Variants in NXF1 observed in about 807,000 individuals in gnomAD.
The protein encoded by NXF1 is nuclear RNA export factor 1, also known as mRNA export factor TAP.
A neutral mutation model predicts 92.4 loss-of-function variants in NXF1; 43 were observed. The observed-to-expected ratio is 0.47, with a 90% CI of 0.36 to 0.60. The LOEUF (loss-of-function observed/expected upper bound fraction) is 0.60. Among genes scored for constraint, NXF1 ranks in the 20% least tolerant of loss-of-function variants. NXF1 has a pLI of 0.00. For missense variants in NXF1, 576 were observed against 793.0 expected, an observed-to-expected ratio of 0.73 and a Z score of 3.29; for synonymous variants, 288 against 292.2, an observed-to-expected ratio of 0.99 and a Z score of 0.15.
At chr11:62,795,836 T>G in intron 17 of NXF1, 65 bp downstream of exon 17, 1 of 1,443,776 alleles carries the variant, frequency 6.9e-7, no homozygotes, top group Non-Finnish European at 9.7e-7. Context: ...AAGCTAAGAG[T>G]GCTGAGGAAA....
chr11:62,800,386 G>A lies in NXF1; in HGVS notation c.1007C>T (p.Thr336Ile), dbSNP rs1487166802. Residue 336 changes from threonine (T) to isoleucine (I), a missense_variant, in exon 10 of 21, where the codon ACC (threonine) becomes ATC (isoleucine). By Grantham distance (89) the Thr-to-Ile change is moderately conservative. Around this residue, in one of 2 missense-constraint regions of NXF1, gnomAD observed 425 missense variants for 635.2 expected, o/e 0.67. Coordinates refer to ENST00000294172, the MANE Select transcript of NXF1 (RefSeq NM_006362.5). ...SLCDTFRDQS[T>I]YISAIRERFP... ...ACAGGCTACAACTGACCTGATGTAG[G>A]TGGACTGGTCTCGGAAGGTGTCACA... is the stretch of plus-strand genomic sequence containing the variant. 1.2e-6 allele frequency: 2 copies of A among 1,613,946 alleles called. No homozygotes were observed. Among genetic ancestry groups the A allele is most frequent in the Admixed American group, 1.7e-5 (1 of 59,986 alleles).
chr11:62,792,407 AGAC>A lies in NXF1; in HGVS notation c.*66_*68del. 2.5e-6 allele frequency: 4 copies of A among 1,593,990 alleles called. No homozygotes were observed. The highest frequency in any genetic ancestry group is 2.2e-5 in the East Asian group (1 of 44,772). On this transcript the variant is annotated 3_prime_UTR_variant, in exon 21 of 21. Coordinates refer to ENST00000294172, the MANE Select transcript of NXF1 (RefSeq NM_006362.5). ...CTCGGGCCAGACAGGAGGAGATGAC[AGAC>A]GACAACCAGACGGTAATATCCAAGG...
intron 16 of NXF1, 57 bp from the exon 17 acceptor site, chr11:62,796,000 C>G (rs2084416554): frequency 2.4e-5 from 39 of 1,610,480 alleles, no homozygotes; most frequent in Non-Finnish European, 3.3e-5. Context: ...GAGTGCCCCC[C>G]CTTGCCTATT....
intron 9 of NXF1, 33 bp from the exon 10 acceptor site, chr11:62,800,519 C>G (rs2084467611): frequency 6.5e-7 from 1 of 1,543,974 alleles, no homozygotes. Flanking sequence ...AGGGAGGAGA[C>G]CCTGGTGAAG....
intron 19 of NXF1, among the ~76,000 whole-genome samples, chr11:62,793,313 G>A (rs28400288): frequency 0.012 from 1,771 of 152,236 alleles, 33 homozygotes; most frequent in African/African-American, 0.04. Context: ...TCTTGACCTC[G>A]TGATCTGGCC....
Position 62,801,946 on chromosome 11 carries a change from C to T in NXF1, c.554G>A (p.Arg185Gln). Residue 185 changes from arginine (R) to glutamine (Q), a missense_variant, in exon 5 of 21, where the codon CGA becomes CAA. Transcript: ENST00000294172. ...VNYKILDREN[R>Q]RISIIINSSA... ...AGCCAGGCCCTTTAAACACACCCTT[C>T]GGTTCTCCCGATCCAAAATCTTATA... The T allele has an allele frequency of 1.9e-6, 3 of 1,614,128 alleles. No individual in the cohort carries two copies. The highest frequency in any genetic ancestry group is 2.5e-6 in the Non-Finnish European group (3 of 1,179,942).
Position 62,792,171 on chromosome 11 carries a change from T to A in NXF1, c.*305A>T, listed in dbSNP as rs1352606917. On this transcript the variant is annotated 3_prime_UTR_variant, in exon 21 of 21. Transcript: ENST00000294172. ...ATATTAAAAAGTGCAGAACACGAAATACAACATCACTCTTTATATTAAAAA... is the reference window on the plus strand; with the variant it reads ...ATATTAAAAAGTGCAGAACACGAAAAACAACATCACTCTTTATATTAAAAA... 1.1e-5 allele frequency: 7 copies of A among 644,772 alleles called. No homozygotes were observed. The highest frequency in any genetic ancestry group is 1.8e-5 in the African/African-American group (1 of 54,464). 39.9% of individuals were successfully genotyped at this position (644,772 alleles called of 1,614,324 possible).
chr11:62,795,407 C>T (rs1328483716), intron 17 of NXF1: 3 of 200,394 alleles, frequency 1.5e-5, no homozygotes, highest in Admixed American at 5.3e-5. Context: ...ACCCAGGAGA[C>T]GGAGGTTGCA....
At chr11:62,798,766 T>C in intron 10 of NXF1, 191 bp from the exon 11 acceptor site, 1 of 1,403,276 alleles carries the variant, frequency 7.1e-7, no homozygotes, top group Non-Finnish European at 9.2e-7. Flanking sequence ...AGACATGGAC[T>C]GCCTTGAAGG....
chr11:62,796,352 G>T lies in NXF1; in HGVS notation c.1287-7C>A. 6.2e-7 allele frequency: 1 copy of T among 1,614,112 alleles called. No individual in the cohort carries two copies. The highest frequency in any genetic ancestry group is 8.5e-7 in the Non-Finnish European group (1 of 1,180,028). Reference sequence around the variant, plus strand: ...ATACTCGGCTAAGCTGCTTCTGGGGGAATAAAAGGAATGGACGTGGTGTTC... The same window carrying T: ...ATACTCGGCTAAGCTGCTTCTGGGGTAATAAAAGGAATGGACGTGGTGTTC... On this transcript the variant is annotated splice_polypyrimidine_tract_variant and splice_region_variant and intron_variant, in intron 14 of 20. Transcript: ENST00000294172.
In NXF1 at chr11:62,801,641, A is replaced by G; in HGVS notation, c.640-10T>C. Reference sequence around the variant, plus strand: ...GTTTGCTCATGATCAGCTAGAGGAAAAAGAAGGGTTTAGTGGTCACTGGGT... The same window carrying G: ...GTTTGCTCATGATCAGCTAGAGGAAGAAGAAGGGTTTAGTGGTCACTGGGT... On this transcript the variant is annotated splice_polypyrimidine_tract_variant and intron_variant, in intron 6 of 20. Transcript: ENST00000294172. 1.2e-6 allele frequency: 2 copies of G among 1,614,084 alleles called. No homozygotes were observed. Among genetic ancestry groups the G allele is most frequent in the Non-Finnish European group, 1.7e-6 (2 of 1,180,010 alleles).
At position 62,801,599 on chromosome 11, in the gene NXF1, T is replaced by C; in HGVS notation, c.672A>G (p.Gln224=). The C allele has an allele frequency of 1.2e-6, 2 of 1,614,110 alleles. No individual in the cohort carries two copies. Among genetic ancestry groups the C allele is most frequent in the Non-Finnish European group, 1.7e-6 (2 of 1,180,020 alleles). Residue 224 remains glutamine, a synonymous_variant, in exon 7 of 21, where the codon CAA becomes CAG. Coordinates refer to ENST00000294172, the MANE Select transcript of NXF1 (RefSeq NM_006362.5). ...GGAGGCCTTTGAGGTCAAGGGCTTG[T>C]TGGGAGCCATCGTATCGTTTGCTCA... is the stretch of plus-strand genomic sequence containing the variant. ...LIMSKRYDGS[Q]QALDLKGLRS...
chr11:62,803,091 C>T lies in NXF1; in HGVS notation c.369+328G>A, dbSNP rs562400875. On this transcript the variant is annotated intron_variant, in intron 3 of 20. Transcript: ENST00000294172. ...ATCCCAGCACTTTGGGGGGCCAAGG[C>T]GGGCAGATCATGACGTCAGGAGTTC... is the stretch of plus-strand genomic sequence containing the variant. Among the ~76,000 whole-genome samples the T allele has an allele frequency of 7.9e-5, 12 of 152,150 alleles. No individual in the cohort carries two copies. The South Asian group carries it at 1.7e-3, about 21-fold the overall frequency.
chr11:62,793,136 T>C (rs1326115661), intron 19 of NXF1, among the ~76,000 whole-genome samples: 1 of 151,866 alleles, frequency 6.6e-6, no homozygotes, highest in East Asian at 1.9e-4. Context: ...TGGAGTGCAG[T>C]GGCGTGATCT....
intron 9 of NXF1, 88 bp downstream of exon 9, chr11:62,801,004 TTC>T: frequency 2.1e-6 from 2 of 956,484 alleles, no homozygotes; most frequent in Non-Finnish European, 3.3e-6. Context: ...CTGGCCTGAG[TTC>T]TCTCTCTTGC....
intron 13 of NXF1, 61 bp from the exon 14 acceptor site, chr11:62,796,628 G>A (rs1252868126): frequency 8.8e-7 from 1 of 1,139,222 alleles, no homozygotes; most frequent in East Asian, 2.4e-5. Flanking sequence ...CAAGGACCCA[G>A]TAGCTCCCAA....
intron 3 of NXF1, among the ~76,000 whole-genome samples, chr11:62,803,016 T>C (rs1367152599): frequency 6.6e-6 from 1 of 152,128 alleles, no homozygotes; most frequent in Non-Finnish European, 1.5e-5. Context: ...TGTGGAGTAA[T>C]CAGATGACAA....
chr11:62,802,341 C>T, intron 3 of NXF1, 81 bp from the exon 4 acceptor site: 1 of 1,162,672 alleles, frequency 8.6e-7, no homozygotes, highest in Non-Finnish European at 1.3e-6. Flanking sequence ...TTTATACCTT[C>T]TACCAAACTT....
At position 62,803,850 on chromosome 11, in the gene NXF1, C is replaced by T. The variant is rs1230110935; in HGVS notation, c.157G>A (p.Glu53Lys). 6.2e-7 allele frequency: 1 copy of T among 1,614,098 alleles called. No homozygotes were observed. Among genetic ancestry groups the T allele is most frequent in the Non-Finnish European group, 8.5e-7 (1 of 1,180,038 alleles). Residue 53 changes from glutamate to lysine, a missense_variant, in exon 2 of 21, where the codon GAG becomes AAG. Physicochemically the swap from Glu to Lys is moderately conservative, Grantham distance 56. This residue lies in a region of NXF1 where 151 missense variants were observed against 157.8 expected (regional missense o/e 0.96). Coordinates refer to ENST00000294172, the MANE Select transcript of NXF1 (RefSeq NM_006362.5). ...GGSGIRSSRL[E>K]EDDGDVAMSD... ...ATTGCCACATCTCCATCATCTTCCTCAAGGCGGGAAGACCGAATACCAGAA... is the reference window on the plus strand; with the variant it reads ...ATTGCCACATCTCCATCATCTTCCTTAAGGCGGGAAGACCGAATACCAGAA...
Sources: gnomAD v4.1 joint callset for allele counts (sites outside exome capture counted in the v4.1 genomes callset) on GRCh38, gnomAD v4.1.1 for gene constraint, gnomAD v4.1.1 regional missense constraint, MANE v1.5 for transcripts, NCBI Gene and HGNC (gene_info 2026-07-23, HGNC 2026-07-21) for gene names.